Variants in PLA2G4E observed in about 807,000 individuals in gnomAD.
PLA2G4E encodes cytosolic phospholipase A2 epsilon.
A neutral mutation model predicts 109.1 loss-of-function variants in PLA2G4E; 84 were observed. That is an observed-to-expected ratio of 0.77 (90% CI 0.65 to 0.92). The LOEUF is 0.92. PLA2G4E is among the 40% of genes least tolerant of loss of function. PLA2G4E has a pLI of 0.00. For synonymous variants in PLA2G4E, 469 were observed against 436.1 expected, an observed-to-expected ratio of 1.08 and a Z score of -0.94; for missense variants, 1,057 against 1,076.6, an observed-to-expected ratio of 0.98 and a Z score of 0.25.
chr15:42,029,050 C>T (rs571363835), intron 1 of PLA2G4E, among the ~76,000 whole-genome samples: 3 of 152,136 alleles, frequency 2.0e-5, no homozygotes, highest in South Asian at 4.1e-4. Context: ...TTCTGCCCTG[C>T]CTTATCTTTA....
At chr15:42,012,475 C>T (rs2068546283) in intron 2 of PLA2G4E, among the ~76,000 whole-genome samples, 1 of 152,180 alleles carries the variant, frequency 6.6e-6, no homozygotes. Context: ...TTGCTGGGAG[C>T]ATCGGGTAGT....
intron 11 of PLA2G4E, among the ~76,000 whole-genome samples, chr15:41,996,182 A>AT (rs1293612025): frequency 6.6e-6 from 1 of 151,808 alleles, no homozygotes; most frequent in African/African-American, 2.4e-5. Context: ...CCCCATCTCT[A>AT]CAAAAAAATA....
rs752672396 is a variant in PLA2G4E at position 42,007,744 on chromosome 15, G to A, written c.378C>T (p.Ile126=). ...CATGTCTCACCTTCACTCGGCTCTG[G>A]ATCTGGAAGTTGAAGCTTTCATTCC... is the stretch of plus-strand genomic sequence containing the variant. Residue 126 remains isoleucine (I), a synonymous_variant, in exon 3 of 20, where the codon ATC becomes ATT. Coordinates refer to ENST00000399518, the Ensembl canonical transcript of PLA2G4E. 23 of 1,612,414 alleles carry A rather than the reference G, an allele frequency of 1.4e-5. No individual in the cohort carries two copies. The South Asian group carries it at 2.5e-4, about 18-fold the overall frequency.
intron 1 of PLA2G4E, among the ~76,000 whole-genome samples, chr15:42,043,292 G>A (rs1317104753): frequency 1.3e-5 from 2 of 152,132 alleles, no homozygotes; most frequent in Non-Finnish European, 2.9e-5. Context: ...GGCTCTGACG[G>A]TGGGAACTTT....
chr15:42,010,160 C>G (rs771036160), intron 2 of PLA2G4E: 3 of 529,238 alleles, frequency 5.7e-6, no homozygotes, highest in Non-Finnish European at 1.2e-5. Context: ...TGGACCACAC[C>G]CTTCAGGTCT....
intron 1 of PLA2G4E, among the ~76,000 whole-genome samples, chr15:42,040,871 C>A (rs2141076585): frequency 6.6e-6 from 1 of 152,242 alleles, no homozygotes; most frequent in South Asian, 2.1e-4. Context: ...TTAGAAGCTT[C>A]TCTGATGATT....
chr15:42,000,048 G>A, intron 8 of PLA2G4E, 48 bp from the exon 9 acceptor site: 1 of 1,577,078 alleles, frequency 6.3e-7, no homozygotes, highest in Non-Finnish European at 8.6e-7. Context: ...AGCTCCTCTG[G>A]CACCCCCCAC....
chr15:41,996,350 GAAAAAAAAAAAAAAAAA>G (rs34559872), intron 11 of PLA2G4E, among the ~76,000 whole-genome samples: 2 of 75,108 alleles, frequency 2.7e-5, no homozygotes, highest in South Asian at 6.2e-4. Flanking sequence ...CCTGTCTCAA[GAAAAAAAAAAAAAAAAA>G]AAAAAAAAAA....
chr15:42,032,558 G>T (rs1296097347), intron 1 of PLA2G4E, among the ~76,000 whole-genome samples: 1 of 152,242 alleles, frequency 6.6e-6, no homozygotes, highest in African/African-American at 2.4e-5. Context: ...GCAGTGTGGG[G>T]GTGGACAGAA....
chr15:41,990,157 TGATGGTGAGGTA>T, exon 14 of PLA2G4E: 1 of 1,613,462 alleles, frequency 6.2e-7, no homozygotes, highest in Non-Finnish European at 8.5e-7. Context: ...TCCTTGACAT[TGATGGTGAGGTA>T]GATGGGCAGG....
At chr15:42,048,867 A>T (rs531263859) in intron 1 of PLA2G4E, among the ~76,000 whole-genome samples, 2 of 152,334 alleles carry the variant, frequency 1.3e-5, no homozygotes, top group South Asian at 4.2e-4. Context: ...CAATAATTTC[A>T]CAAATATTAA....
chr15:41,991,451 A>T (rs1015342655), intron 13 of PLA2G4E, among the ~76,000 whole-genome samples: 1 of 144,254 alleles, frequency 6.9e-6, no homozygotes, highest in African/African-American at 2.6e-5. Flanking sequence ...CCCAAGGCCG[A>T]TGCCCTTGGC....
At chr15:41,987,214 G>A (rs1219443246) in exon 17 of PLA2G4E, 8 of 1,613,896 alleles carry the variant, frequency 5.0e-6, no homozygotes, top group South Asian at 1.1e-5. Flanking sequence ...TAGTTGGTGT[G>A]CAGCTGCAGC....
At chr15:41,987,075 G>A (rs1173755230) in intron 17 of PLA2G4E, 97 bp downstream of exon 17, 4 of 1,292,392 alleles carry the variant, frequency 3.1e-6, no homozygotes, top group Non-Finnish European at 4.4e-6. Context: ...AACATAGCCA[G>A]AGAAGTTTTC....
chr15:42,039,741 A>T (rs528724599), intron 1 of PLA2G4E, among the ~76,000 whole-genome samples: 4 of 152,166 alleles, frequency 2.6e-5, no homozygotes, highest in African/African-American at 9.6e-5. Context: ...AGAAATAAAT[A>T]AGAAATTCAC....
chr15:41,993,383 T>C (rs548389665), intron 12 of PLA2G4E, among the ~76,000 whole-genome samples: 48 of 152,214 alleles, frequency 3.2e-4, no homozygotes, highest in Non-Finnish European at 6.3e-4. Flanking sequence ...ATTACATGAG[T>C]TAAGGTGATG....
rs919763399 is a variant in PLA2G4E at position 42,046,060 on chromosome 15, C to T, written c.183+4461G>A. The stretch of plus-strand genomic sequence containing the variant: ...CAGTGTGTCCCAAGTCCTGTAAATT[C>T]GACCTCCAGGAAACCCAGAATCCAT... On this transcript the variant is annotated intron_variant, in intron 1 of 19. Transcript: ENST00000399518. Among the ~76,000 whole-genome samples, 15 of 152,110 alleles carry T rather than the reference C, an allele frequency of 9.9e-5. 1 individual carries two copies. In the South Asian group the frequency reaches 2.3e-3, roughly 23 times the overall value.
chr15:42,035,428 C>A (rs1889196222), intron 1 of PLA2G4E, among the ~76,000 whole-genome samples: 1 of 152,218 alleles, frequency 6.6e-6, no homozygotes, highest in African/African-American at 2.4e-5. Context: ...ATTGTCCATG[C>A]CTAGGGGCTA....
chr15:42,017,844 T>G (rs941624078), intron 1 of PLA2G4E, among the ~76,000 whole-genome samples: 9 of 152,188 alleles, frequency 5.9e-5, no homozygotes, highest in Non-Finnish European at 1.3e-4. Context: ...TTTTTAAACA[T>G]CTAGAGCACA....
Sources: gnomAD v4.1 joint callset for allele counts (sites outside exome capture counted in the v4.1 genomes callset) on GRCh38, gnomAD v4.1.1 for gene constraint, MANE v1.5 for transcripts, NCBI Gene and HGNC (gene_info 2026-07-23, HGNC 2026-07-21) for gene names.